TAFA2: variants seen among roughly 807,000 people sequenced by gnomAD.
TAFA2 encodes the protein chemokine-like protein TAFA-2.
A neutral mutation model predicts 18.8 loss-of-function variants in TAFA2; 7 were observed. The ratio of observed to expected loss-of-function variants is 0.37; its 90% CI spans 0.21 to 0.70. The LOEUF (loss-of-function observed/expected upper bound fraction) is 0.70. Among genes scored for constraint, TAFA2 ranks in the 30% least tolerant of loss-of-function variants. The pLI is 0.53. For missense variants in TAFA2, 122 were observed against 158.1 expected, an observed-to-expected ratio of 0.77 and a Z score of 1.23; for synonymous variants, 60 against 54.2, an observed-to-expected ratio of 1.11 and a Z score of -0.47.
At position 62,148,798 on chromosome 12, in the gene TAFA2, C is replaced by T. The variant is rs185719225; in HGVS notation, c.-2+42461G>A. ...CCTTAAAGAGATTTTTCTGAGTAAC[C>T]GGTATACTCAATTGGAATTCAGTCC... On this transcript the variant is annotated intron_variant, in intron 1 of 4. Coordinates refer to ENST00000416284, the MANE Select transcript of TAFA2 (RefSeq NM_178539.5). Among the ~76,000 whole-genome samples the T allele has an allele frequency of 1.4e-4, 22 of 152,162 alleles. No individual in the cohort carries two copies. In the East Asian group the frequency reaches 4.3e-3, roughly 29 times the overall value.
chr12:61,991,295 A>G (rs1383841963), intron 1 of TAFA2, among the ~76,000 whole-genome samples: 28 of 152,262 alleles, frequency 1.8e-4, no homozygotes, highest in Admixed American at 1.8e-3. Context: ...GTCTACCTAA[A>G]GATGAGCTAT....
In TAFA2 at chr12:62,246,139, A is replaced by G. The variant is rs1270221244; in HGVS notation, c.-130+12624T>C. Among the ~76,000 whole-genome samples, 7 of 152,222 alleles carry G rather than the reference A, an allele frequency of 4.6e-5. No individual in the cohort carries two copies. The East Asian group carries it at 1.4e-3, about 29-fold the overall frequency. On this transcript the variant is annotated intron_variant, in intron 1 of 5. Transcript: ENST00000551619. ...GTAGCTGGGACTACAGGCGCCCGCC[A>G]CAATGCCCAGCTAATTTTTTGTATT... is the stretch of plus-strand genomic sequence containing the variant.
chr12:62,124,301 T>TA (rs3031081), intron 1 of TAFA2, among the ~76,000 whole-genome samples: 8,782 of 147,348 alleles, frequency 0.06, 326 homozygotes, highest in Non-Finnish European at 0.08. Context: ...CTGAGGAAGT[T>TA]AAAAAAAAAA....
intron 1 of TAFA2, chr12:62,207,349 T>G (rs1259210088): frequency 6.6e-6 from 1 of 152,174 alleles, no homozygotes. Flanking sequence ...AATAATGACT[T>G]TAAGCCTCAA....
At chr12:61,898,342 G>A (rs1875945378) in intron 1 of TAFA2, among the ~76,000 whole-genome samples, 1 of 152,202 alleles carries the variant, frequency 6.6e-6, no homozygotes, top group African/African-American at 2.4e-5. Flanking sequence ...GCTCCAGTGG[G>A]GACTCTGTGT....
At chr12:62,070,461 T>C (rs749678692) in intron 1 of TAFA2, 3 of 152,176 alleles carry the variant, frequency 2.0e-5, no homozygotes, top group Non-Finnish European at 4.4e-5. Flanking sequence ...AAGACTTTTG[T>C]TAGCAGCTCT....
intron 4 of TAFA2, among the ~76,000 whole-genome samples, chr12:61,726,961 C>T (rs559138503): frequency 1.2e-3 from 180 of 152,044 alleles, no homozygotes; most frequent in African/African-American, 3.8e-3. Context: ...TTGTCAAATG[C>T]TTTTTCTGAG....
intron 1 of TAFA2, among the ~76,000 whole-genome samples, chr12:61,891,350 C>T (rs1479361430): frequency 6.6e-6 from 1 of 151,930 alleles, no homozygotes; most frequent in East Asian, 1.9e-4. Flanking sequence ...GAATCAGAAT[C>T]AGAAGAAAAA....
At chr12:62,095,623 G>C (rs1246119860) in intron 1 of TAFA2, among the ~76,000 whole-genome samples, 1 of 152,058 alleles carries the variant, frequency 6.6e-6, no homozygotes, top group Non-Finnish European at 1.5e-5. Flanking sequence ...TGGTTAAAAA[G>C]CAAAAGGCCC....
At chr12:62,131,081 G>A (rs1870663812) in intron 1 of TAFA2, among the ~76,000 whole-genome samples, 1 of 151,908 alleles carries the variant, frequency 6.6e-6, no homozygotes, top group Admixed American at 6.6e-5. Context: ...AAGGGACAAT[G>A]CTCTATAGCT....
intron 1 of TAFA2, among the ~76,000 whole-genome samples, chr12:61,990,337 A>ATTTTTTTTTT (rs71083969): frequency 9.2e-5 from 10 of 108,226 alleles, no homozygotes; most frequent in East Asian, 2.9e-4. Flanking sequence ...CACTGTGCCA[A>ATTTTTTTTTT]TTTTTTTTTT....
intron 1 of TAFA2, among the ~76,000 whole-genome samples, chr12:61,923,889 T>C (rs1877165262): frequency 6.6e-6 from 1 of 151,546 alleles, no homozygotes; most frequent in African/African-American, 2.4e-5. Flanking sequence ...TTAGAGAACA[T>C]AGATGACCTG....
intron 2 of TAFA2, among the ~76,000 whole-genome samples, chr12:61,822,182 A>C (rs1471979440): frequency 1.3e-5 from 2 of 152,060 alleles, no homozygotes. Flanking sequence ...CTATAGGTTA[A>C]AAAATACTCA....
chr12:62,115,544 GA>G (rs1282915461), intron 1 of TAFA2, among the ~76,000 whole-genome samples: 1 of 152,102 alleles, frequency 6.6e-6, no homozygotes, highest in Non-Finnish European at 1.5e-5. Context: ...AGGTGGGCAA[GA>G]AGTACCACTT....
At chr12:62,145,515 C>T (rs1432296000) in intron 1 of TAFA2, 1 of 152,124 alleles carries the variant, frequency 6.6e-6, no homozygotes, top group Non-Finnish European at 1.5e-5. Flanking sequence ...ATGTTGGGGA[C>T]CACTGATATA....
chr12:62,115,320 G>A (rs1272611558), intron 1 of TAFA2, among the ~76,000 whole-genome samples: 1 of 152,072 alleles, frequency 6.6e-6, no homozygotes, highest in African/African-American at 2.4e-5. Flanking sequence ...GCTGCAGCAG[G>A]AGGCCAGTAA....
At chr12:62,220,794 G>A (rs1296327718) in intron 1 of TAFA2, among the ~76,000 whole-genome samples, 1 of 152,052 alleles carries the variant, frequency 6.6e-6, no homozygotes, top group African/African-American at 2.4e-5. Flanking sequence ...AAAGAACAAA[G>A]GAAGGAAGAG....
At chr12:61,777,646 C>A (rs1039201326) in intron 2 of TAFA2, among the ~76,000 whole-genome samples, 30 of 151,438 alleles carry the variant, frequency 2.0e-4, no homozygotes, top group African/African-American at 7.3e-4. Context: ...CAAATTTTAG[C>A]TCTACCACTT....
intron 4 of TAFA2, among the ~76,000 whole-genome samples, chr12:61,710,816 G>A (rs1348943116): frequency 6.6e-6 from 1 of 151,968 alleles, no homozygotes; most frequent in Non-Finnish European, 1.5e-5. Context: ...TTTGTCCCCA[G>A]CAACACAGTC....
Sources: gnomAD v4.1 joint callset for allele counts (sites outside exome capture counted in the v4.1 genomes callset) on GRCh38, gnomAD v4.1.1 for gene constraint, MANE v1.5 for transcripts, NCBI Gene and HGNC (gene_info 2026-07-23, HGNC 2026-07-21) for gene names.